Variants in PDPR observed in about 807,000 individuals in gnomAD.
The protein encoded by PDPR is pyruvate dehydrogenase phosphatase regulatory subunit.
In PDPR, 50 loss-of-function variants were observed where a neutral mutation model predicts 102.2. The observed-to-expected ratio is 0.49, with a 90% CI of 0.39 to 0.62. The LOEUF (loss-of-function observed/expected upper bound fraction) is 0.62. PDPR is among the 20% of genes least tolerant of loss of function. PDPR has a pLI of 0.00. For synonymous variants in PDPR, 259 were observed against 406.0 expected (o/e 0.64, Z 4.35); for missense variants, 625 against 1,098.2 (o/e 0.57, Z 6.09).
In PDPR at chr16:70,131,401, C is replaced by G; in HGVS notation, c.829C>G (p.Leu277Val). Reference protein sequence around the residue: ...YLLTRPLETPLQSSTPTIVDA... With the variant: ...YLLTRPLETPVQSSTPTIVDA... ...CCTGACTCGCCCCTTGGAGACCCCT[C>G]TGCAGAGCAGCACACCAAGTGAGGA... Residue 277 changes from leucine (L) to valine (V), a missense_variant, in exon 8 of 19, where the codon CTG becomes GTG. Leu to Val is a conservative substitution (Grantham distance 32). Coordinates refer to ENST00000288050, the MANE Select transcript of PDPR (RefSeq NM_017990.5). 2.1e-6 allele frequency: 3 copies of G among 1,437,694 alleles called. No individual in the cohort carries two copies. The highest frequency in any genetic ancestry group is 2.9e-6 in the Non-Finnish European group (3 of 1,036,976). 89.1% of individuals were successfully genotyped at this position (1,437,694 alleles called of 1,614,324 possible).
At position 70,157,074 on chromosome 16, in the gene PDPR, C is replaced by G. The variant is rs780451252; in HGVS notation, c.*195C>G. 2 of 788,796 alleles carry G rather than the reference C, an allele frequency of 2.5e-6. No individual in the cohort carries two copies. Among genetic ancestry groups the G allele is most frequent in the South Asian group, 2.9e-5 (2 of 67,924 alleles). 48.9% of individuals were successfully genotyped at this position (788,796 alleles called of 1,614,324 possible). A position where few individuals can be genotyped will look rare whatever the true frequency, so the allele number is the denominator to read the frequency against. Reference sequence around the variant, plus strand: ...AGCCTTCCTTGCCCTTCCACCTCCTCCTCCTAATATTCACTCTGGGCTCTT... The same window carrying G: ...AGCCTTCCTTGCCCTTCCACCTCCTGCTCCTAATATTCACTCTGGGCTCTT... On this transcript the variant is annotated 3_prime_UTR_variant, in exon 19 of 19. Transcript: ENST00000288050.
chr16:70,140,926 TCTC>T (rs1369098199), intron 11 of PDPR, among the ~76,000 whole-genome samples: 1 of 152,280 alleles, frequency 6.6e-6, no homozygotes, highest in Admixed American at 6.5e-5. Context: ...CTGGCTTCCT[TCTC>T]CTGTCTCCCA....
chr16:70,163,163 G>C (rs1967930946), downstream of PDPR, among the ~76,000 whole-genome samples: 1 of 152,242 alleles, frequency 6.6e-6, no homozygotes, highest in African/African-American at 2.4e-5. Context: ...GGCCAGGCTG[G>C]TCTCAAACCC....
chr16:70,143,051 C>G (rs1408712995), intron 13 of PDPR, among the ~76,000 whole-genome samples: 1 of 152,238 alleles, frequency 6.6e-6, no homozygotes, highest in Non-Finnish European at 1.5e-5. Flanking sequence ...AAAAATTAAC[C>G]AGGCATGGTG....
At chr16:70,152,233 T>C (rs1966791361) in intron 17 of PDPR, among the ~76,000 whole-genome samples, 1 of 152,256 alleles carries the variant, frequency 6.6e-6, no homozygotes, top group Non-Finnish European at 1.5e-5. Context: ...CATTTAAAGT[T>C]GTCTTCCCGG....
rs1189599086 is a variant in PDPR at position 70,160,163 on chromosome 16, TTTAA to T, written c.*3288_*3291del. 2.4e-4 allele frequency: 36 copies of T among 152,988 alleles called. No individual in the cohort carries two copies. Among genetic ancestry groups the T allele is most frequent in the Admixed American group, 2.0e-3 (31 of 15,292 alleles). 9.5% of individuals were successfully genotyped at this position (152,988 alleles called of 1,614,324 possible). A position where few individuals can be genotyped will look rare whatever the true frequency, so the allele number is the denominator to read the frequency against. ...GGGCCTTCCCCTCCCTTGAAATGTC[TTTAA>T]TTACCTCCCCTTCATCGTCAGGCCA... On this transcript the variant is annotated 3_prime_UTR_variant, in exon 19 of 19. Transcript: ENST00000288050.
intron 9 of PDPR, among the ~76,000 whole-genome samples, chr16:70,132,570 A>G (rs1408861505): frequency 3.3e-5 from 5 of 151,262 alleles, no homozygotes; most frequent in Admixed American, 1.3e-4. Context: ...CTTGAGACGG[A>G]GCCTTGCTCC....
chr16:70,126,633 G>C (rs1964001468), intron 3 of PDPR, among the ~76,000 whole-genome samples: 1 of 152,270 alleles, frequency 6.6e-6, no homozygotes, highest in South Asian at 2.1e-4. Flanking sequence ...AAAGTGCTGG[G>C]ATTACAGGCG....
chr16:70,151,378 C>T (rs1330434836), intron 17 of PDPR, among the ~76,000 whole-genome samples: 2 of 152,288 alleles, frequency 1.3e-5, no homozygotes, highest in African/African-American at 4.8e-5. Flanking sequence ...CCTGTTTTAA[C>T]TATTTGAGCC....
At chr16:70,154,847 C>T (rs1966938517) in intron 18 of PDPR, among the ~76,000 whole-genome samples, 1 of 152,242 alleles carries the variant, frequency 6.6e-6, no homozygotes, top group African/African-American at 2.4e-5. Flanking sequence ...CCACATTGGC[C>T]AGGGTGGTCT....
intron 3 of PDPR, among the ~76,000 whole-genome samples, chr16:70,125,317 G>A (rs1161475091): frequency 1.5e-4 from 23 of 152,144 alleles, no homozygotes; most frequent in African/African-American, 2.7e-4. Flanking sequence ...TGGAGGTTGC[G>A]GTGAGCCGAG....
In PDPR at chr16:70,162,125, C is replaced by T. The variant is rs1266977834; in HGVS notation, c.*5246C>T. Reference sequence around the variant, plus strand: ...TCCCATCCGCCCCACATAGCCTCTCCTTCTTCGGAACAATGGGCGTGGGGT... The same window carrying T: ...TCCCATCCGCCCCACATAGCCTCTCTTTCTTCGGAACAATGGGCGTGGGGT... On this transcript the variant is annotated 3_prime_UTR_variant, in exon 19 of 19. Coordinates refer to ENST00000288050, the MANE Select transcript of PDPR (RefSeq NM_017990.5). 1 of 152,490 alleles carries T rather than the reference C, an allele frequency of 6.6e-6. No homozygotes were observed. The highest frequency in any genetic ancestry group is 2.4e-5 in the African/African-American group (1 of 41,476). 9.4% of individuals were successfully genotyped at this position (152,490 alleles called of 1,614,324 possible). A position where few individuals can be genotyped will look rare whatever the true frequency, so the allele number is the denominator to read the frequency against.
In PDPR at chr16:70,162,204, C is replaced by G. The variant is rs1033040152; in HGVS notation, c.*5325C>G. On this transcript the variant is annotated 3_prime_UTR_variant, in exon 19 of 19. Coordinates refer to ENST00000288050, the MANE Select transcript of PDPR (RefSeq NM_017990.5). ...AGCAGCTCAGTTAACACTTTACTCT[C>G]CAGTCAACACTTGGGACATATAAAA... 1 of 152,480 alleles carries G rather than the reference C, an allele frequency of 6.6e-6. No homozygotes were observed. Among genetic ancestry groups the G allele is most frequent in the African/African-American group, 2.4e-5 (1 of 41,480 alleles). The allele number at this position is 152,480 out of a possible 1,614,324, so 9.4% of individuals were successfully genotyped here.
chr16:70,154,568 G>A (rs1966900838), intron 18 of PDPR, among the ~76,000 whole-genome samples: 1 of 152,274 alleles, frequency 6.6e-6, no homozygotes, highest in South Asian at 2.1e-4. Flanking sequence ...TAATTATGGT[G>A]ATGCATTAAC....
chr16:70,147,354 T>A (rs1347159836), intron 16 of PDPR, among the ~76,000 whole-genome samples: 1 of 152,266 alleles, frequency 6.6e-6, no homozygotes, highest in East Asian at 1.9e-4. Flanking sequence ...TCTGTAGCAC[T>A]GGATTAAAAT....
At chr16:70,133,217 TGATTCTCCTGCCTCAGC>T (rs1964727179) in intron 9 of PDPR, among the ~76,000 whole-genome samples, 1 of 150,728 alleles carries the variant, frequency 6.6e-6, no homozygotes. Context: ...CCGGTTCAAG[TGATTCTCCTGCCTCAGC>T]CTCCAGAGTA....
chr16:70,120,096 T>C (rs1408919524), intron 2 of PDPR: 1 of 180,942 alleles, frequency 5.5e-6, no homozygotes, highest in Non-Finnish European at 1.2e-5. Context: ...TTTGTGTTTT[T>C]AGTAGAGACA....
At chr16:70,137,803 G>A (rs1965302712) in intron 10 of PDPR, among the ~76,000 whole-genome samples, 1 of 152,268 alleles carries the variant, frequency 6.6e-6, no homozygotes, top group African/African-American at 2.4e-5. Flanking sequence ...ATCTTTAGGT[G>A]ACAGAAAAAA....
chr16:70,118,092 CAAA>C (rs67379775), intron 2 of PDPR, among the ~76,000 whole-genome samples: 4 of 105,736 alleles, frequency 3.8e-5, no homozygotes, highest in Non-Finnish European at 3.8e-5. Flanking sequence ...GACTCTGTCT[CAAA>C]AAAAAAAAAA....
Sources: allele counts gnomAD v4.1 joint callset (sites outside exome capture counted in the v4.1 genomes callset), GRCh38; gene constraint gnomAD v4.1.1; transcripts MANE v1.5; gene names NCBI Gene and HGNC (gene_info 2026-07-23, HGNC 2026-07-21).